Variants in NRG3 observed in about 807,000 individuals in gnomAD.
NRG3 encodes the protein neuregulin 3.
In NRG3, 31 loss-of-function variants were observed where a neutral mutation model predicts 66.9. The observed-to-expected ratio is 0.46, with a 90% CI of 0.35 to 0.63. The LOEUF (loss-of-function observed/expected upper bound fraction) is 0.63, where lower values mean the gene tolerates loss of function less well. NRG3 is among the 20% of genes least tolerant of loss of function. NRG3 has a pLI of 0.00. For missense variants in NRG3, 910 were observed against 878.9 expected (o/e 1.04, Z -0.45); for synonymous variants, 393 against 359.4 (o/e 1.09, Z -1.06).
At chr10:82,964,307 G>C (rs1033334643) in intron 6 of NRG3, among the ~76,000 whole-genome samples, 2 of 152,094 alleles carry the variant, frequency 1.3e-5, no homozygotes, top group Non-Finnish European at 2.9e-5. Context: ...AGTGAACGGT[G>C]CTATCAGAGC....
At chr10:82,482,805 G>T (rs778679132) in intron 2 of NRG3, among the ~76,000 whole-genome samples, 10 of 152,124 alleles carry the variant, frequency 6.6e-5, no homozygotes, top group Non-Finnish European at 1.0e-4. Context: ...TGCAATTATG[G>T]GAGGAAAATG....
At chr10:82,698,116 C>T (rs1346769233) in intron 2 of NRG3, among the ~76,000 whole-genome samples, 2 of 152,096 alleles carry the variant, frequency 1.3e-5, no homozygotes, top group Admixed American at 1.3e-4. Context: ...TCACTTCCTA[C>T]CTATGGTGAA....
chr10:82,702,851 A>T (rs2055992248), intron 2 of NRG3, among the ~76,000 whole-genome samples: 1 of 152,192 alleles, frequency 6.6e-6, no homozygotes, highest in African/African-American at 2.4e-5. Flanking sequence ...CATAAATGTG[A>T]TAAACATGCT....
chr10:82,367,629 T>G (rs1892413), intron 2 of NRG3, among the ~76,000 whole-genome samples: 28,925 of 152,128 alleles, frequency 0.19, 5,239 homozygotes, highest in African/African-American at 0.47. Context: ...TTTTGTCTTC[T>G]GTTTTTCCTA....
At chr10:82,780,213 T>G (rs952989384) in intron 3 of NRG3, among the ~76,000 whole-genome samples, 4 of 152,182 alleles carry the variant, frequency 2.6e-5, no homozygotes, top group African/African-American at 7.2e-5. Context: ...ATAGAATGAT[T>G]TATAATCCTT....
intron 4 of NRG3, among the ~76,000 whole-genome samples, chr10:82,889,603 C>A (rs747251018): frequency 3.9e-5 from 6 of 152,124 alleles, no homozygotes; most frequent in Non-Finnish European, 5.9e-5. Flanking sequence ...ATAGCTAATT[C>A]TCATTTACAG....
intron 2 of NRG3, among the ~76,000 whole-genome samples, chr10:82,384,103 C>T (rs142017817): frequency 1.7e-3 from 251 of 152,110 alleles, no homozygotes; most frequent in African/African-American, 5.6e-3. Flanking sequence ...TATTAATTCA[C>T]TTAATACCTT....
At chr10:82,758,302 T>C (rs566183836) in intron 3 of NRG3, among the ~76,000 whole-genome samples, 1 of 152,196 alleles carries the variant, frequency 6.6e-6, no homozygotes, top group African/African-American at 2.4e-5. Context: ...AAAGCAAGTT[T>C]TGGAGAGCAT....
intron 3 of NRG3, among the ~76,000 whole-genome samples, chr10:82,804,613 T>C (rs938417060): frequency 6.6e-6 from 1 of 152,206 alleles, no homozygotes; most frequent in Non-Finnish European, 1.5e-5. Flanking sequence ...TCTTCAGGCC[T>C]TGGATTCCAA....
chr10:82,214,778 T>C (rs2075579124), intron 1 of NRG3, among the ~76,000 whole-genome samples: 1 of 152,168 alleles, frequency 6.6e-6, no homozygotes. Context: ...CCCCATCACT[T>C]CTTTTGTAGG....
intron 1 of NRG3, among the ~76,000 whole-genome samples, chr10:82,149,076 T>TTTTG (rs1189860686): frequency 0.085 from 449 of 5,312 alleles, 2 homozygotes; most frequent in African/African-American, 0.44. Context: ...TTGTTTTTGT[T>TTTTG]TTTTTTTTAA....
intron 1 of NRG3, among the ~76,000 whole-genome samples, chr10:82,025,367 G>A (rs2132809510): frequency 6.6e-6 from 1 of 151,576 alleles, no homozygotes; most frequent in East Asian, 1.9e-4. Context: ...TAGTGTATAT[G>A]TTTTAGTTTT....
intron 2 of NRG3, among the ~76,000 whole-genome samples, chr10:82,730,275 AG>A (rs1300262828): frequency 3.3e-5 from 5 of 151,954 alleles, no homozygotes; most frequent in Admixed American, 6.6e-5. Context: ...TAGTAGAGAC[AG>A]GGTTTAACTG....
chr10:82,803,771 G>T (rs955831507), intron 3 of NRG3, among the ~76,000 whole-genome samples: 2 of 151,760 alleles, frequency 1.3e-5, no homozygotes, highest in African/African-American at 2.4e-5. Flanking sequence ...TCACAGGATC[G>T]TGGGGAAAAT....
rs533192046 is a variant in NRG3, at chr10:82,648,215, C to T, written c.954-90362C>T. On this transcript the variant is annotated intron_variant, in intron 2 of 8. Transcript: ENST00000372141. The stretch of plus-strand genomic sequence containing the variant: ...AAGAAAGGGATCCAGTTTCAGCTTT[C>T]TACATATGGCTAGCCAGTTTTCCCA... 2.6e-5 allele frequency among the ~76,000 whole-genome samples: 4 copies of T among 152,274 alleles called. No individual in the cohort carries two copies. In the East Asian group the frequency reaches 7.7e-4, roughly 29 times the overall value.
At chr10:82,613,437 AATTAATT>A (rs1370738587) in intron 2 of NRG3, among the ~76,000 whole-genome samples, 6 of 151,388 alleles carry the variant, frequency 4.0e-5, no homozygotes, top group Non-Finnish European at 2.9e-5. Flanking sequence ...ATAATTAATT[AATTAATT>A]ATTTATTTTT....
At chr10:81,993,535 T>TG (rs2060821781) in intron 1 of NRG3, among the ~76,000 whole-genome samples, 1 of 151,960 alleles carries the variant, frequency 6.6e-6, no homozygotes, top group Admixed American at 6.6e-5. Context: ...TTTGTAGAGA[T>TG]GGGGTCTTGT....
chr10:82,915,793 TA>T (rs1270333159), intron 4 of NRG3, among the ~76,000 whole-genome samples: 1 of 152,168 alleles, frequency 6.6e-6, no homozygotes, highest in African/African-American at 2.4e-5. Context: ...TCACTAAACC[TA>T]AAAAATTCAG....
At chr10:82,957,893 C>CGTGTGTGTGTGT (rs10547101) in intron 5 of NRG3, among the ~76,000 whole-genome samples, 3 of 149,462 alleles carry the variant, frequency 2.0e-5, no homozygotes, top group Non-Finnish European at 3.0e-5. Context: ...AAGAGGTGTG[C>CGTGTGTGTGTGT]GTGTGTGTGT....
Sources: gnomAD v4.1 joint callset for allele counts (sites outside exome capture counted in the v4.1 genomes callset) on GRCh38, gnomAD v4.1.1 for gene constraint, MANE v1.5 for transcripts, NCBI Gene and HGNC (gene_info 2026-07-23, HGNC 2026-07-21) for gene names.